RHBDF2: variants seen among roughly 807,000 people sequenced by gnomAD.
RHBDF2 encodes inactive rhomboid protein 2.
In RHBDF2, 38 loss-of-function variants were observed where a neutral mutation model predicts 95.2. The ratio of observed to expected loss-of-function variants is 0.40; its 90% CI spans 0.31 to 0.52. RHBDF2 has a LOEUF of 0.52. Ranked by LOEUF, RHBDF2 falls within the 20% of genes least tolerant of loss-of-function variation. The pLI is 0.56. For missense variants in RHBDF2, 863 were observed against 1,137.7 expected (o/e 0.76, Z 3.47); for synonymous variants, 442 against 462.0 (o/e 0.96, Z 0.55).
intron 2 of RHBDF2, among the ~76,000 whole-genome samples, chr17:76,486,587 GCATATAGTCC>G (rs919866458): frequency 2.6e-5 from 4 of 152,022 alleles, no homozygotes; most frequent in Non-Finnish European, 4.4e-5. Context: ...GGTGGTGCGT[GCATATAGTCC>G]CAGCTACTCA....
chr17:76,486,414 A>G (rs953210068), intron 2 of RHBDF2, among the ~76,000 whole-genome samples: 5 of 152,146 alleles, frequency 3.3e-5, no homozygotes, highest in African/African-American at 1.2e-4. Flanking sequence ...CTCTGTGAAT[A>G]TATCAAAATC....
At chr17:76,494,018 G>A (rs1406320896) in intron 1 of RHBDF2, among the ~76,000 whole-genome samples, 1 of 152,228 alleles carries the variant, frequency 6.6e-6, no homozygotes, top group East Asian at 1.9e-4. Context: ...CCCGGTTAGA[G>A]TGGCTGGGGC....
At chr17:76,491,992 GCTCTCT>G (rs906686305) in intron 1 of RHBDF2, among the ~76,000 whole-genome samples, 2 of 152,144 alleles carry the variant, frequency 1.3e-5, no homozygotes, top group Non-Finnish European at 2.9e-5. Flanking sequence ...CACATCCGCC[GCTCTCT>G]CTCTAAGACC....
chr17:76,472,711 G>A lies in RHBDF2; in HGVS notation c.2039C>T (p.Ala680Val), dbSNP rs182039648. The change falls in exon 18 of 19, where the codon GCC becomes GTC. Residue 680 changes from alanine (A) to valine (V), a missense_variant. By Grantham distance (64) the Ala-to-Val change is moderately conservative. This residue lies in a region of RHBDF2 where 252 missense variants were observed against 412.2 expected (regional missense o/e 0.61). Transcript: ENST00000675367. ...CTCTGCCCGGTATGGGAGAAAGATG[G>A]CACTGGCGAGGTTGCCTGTGATGCC... is the stretch of plus-strand genomic sequence containing the variant. ...LSGITGNLAS[A>V]IFLPYRAEVG... The A allele has an allele frequency of 2.5e-6, 4 of 1,614,098 alleles. No homozygotes were observed. The highest frequency in any genetic ancestry group is 3.4e-6 in the Non-Finnish European group (4 of 1,180,028).
At position 76,484,543 on chromosome 17, in the gene RHBDF2, C is replaced by T. The variant is rs1003987189; in HGVS notation, c.-21-2998G>A. ...CACCATCTCCTCACCTGGAGGCTCACTCCACTCTCTCAATTCCTCTACCTG... is the reference window on the plus strand; with the variant it reads ...CACCATCTCCTCACCTGGAGGCTCATTCCACTCTCTCAATTCCTCTACCTG... On this transcript the variant is annotated intron_variant, in intron 2 of 18. Coordinates refer to ENST00000675367, the MANE Select transcript of RHBDF2 (RefSeq NM_001005498.4). Among the ~76,000 whole-genome samples, 6 of 151,176 alleles carry T rather than the reference C, an allele frequency of 4.0e-5. No homozygotes were observed. In the Admixed American group the frequency reaches 4.0e-4, roughly 10 times the overall value.
At chr17:76,478,732 A>C in intron 6 of RHBDF2, 74 bp downstream of exon 6, 1 of 1,261,268 alleles carries the variant, frequency 7.9e-7, no homozygotes, top group Non-Finnish European at 1.1e-6. Context: ...GGATGCTACT[A>C]TGAGGAGTGG....
At chr17:76,479,056 CT>C in intron 5 of RHBDF2, 25 bp downstream of exon 5, 4 of 1,613,126 alleles carry the variant, frequency 2.5e-6, no homozygotes, top group Non-Finnish European at 3.4e-6. Context: ...GTCCCCACCC[CT>C]GCCTCCTTTC....
At chr17:76,484,966 G>A (rs1231058759) in intron 2 of RHBDF2, among the ~76,000 whole-genome samples, 1 of 152,202 alleles carries the variant, frequency 6.6e-6, no homozygotes, top group East Asian at 1.9e-4. Context: ...GAAGCGTCTG[G>A]AGGAGCAAAT....
chr17:76,479,549 G>A (rs1016881320), intron 4 of RHBDF2, 184 bp downstream of exon 4: 6 of 737,068 alleles, frequency 8.1e-6, no homozygotes, highest in South Asian at 3.0e-5. Context: ...GTGATATTCC[G>A]CAAAGCACAT....
rs539095836 is a variant in RHBDF2, at chr17:76,497,186, C to T, written c.-220+4167G>A. On this transcript the variant is annotated intron_variant, in intron 1 of 18. Transcript: ENST00000675367. Reference sequence around the variant, plus strand: ...GCACCACCTGCTGGCACAGGGTTGGCGGCCACACGGGGGAGGCAGAGGAGA... The same window carrying T: ...GCACCACCTGCTGGCACAGGGTTGGTGGCCACACGGGGGAGGCAGAGGAGA... Among the ~76,000 whole-genome samples the T allele has an allele frequency of 4.1e-4, 62 of 152,272 alleles. No individual in the cohort carries two copies. In the East Asian group the frequency reaches 9.8e-3, roughly 24 times the overall value.
intron 1 of RHBDF2, among the ~76,000 whole-genome samples, chr17:76,493,491 G>C (rs2074357374): frequency 6.6e-6 from 1 of 150,444 alleles, no homozygotes; most frequent in East Asian, 1.9e-4. Flanking sequence ...TGGCAAGAAG[G>C]CTGGCTGGGG....
At chr17:76,481,202 T>C (rs2073952215) in intron 3 of RHBDF2, among the ~76,000 whole-genome samples, 173 bp downstream of exon 3, 1 of 152,170 alleles carries the variant, frequency 6.6e-6, no homozygotes, top group South Asian at 2.1e-4. Context: ...CTTTACTCCC[T>C]GTGATATTTC....
At chr17:76,494,144 T>C (rs1396158165) in intron 1 of RHBDF2, among the ~76,000 whole-genome samples, 1 of 152,052 alleles carries the variant, frequency 6.6e-6, no homozygotes, top group East Asian at 1.9e-4. Flanking sequence ...GGGGGTGACA[T>C]GTCATGTTCT....
intron 6 of RHBDF2, among the ~76,000 whole-genome samples, chr17:76,478,480 G>GC (rs1363250755): frequency 6.6e-6 from 1 of 152,230 alleles, no homozygotes; most frequent in Non-Finnish European, 1.5e-5. Context: ...GCGGTGCCCA[G>GC]CACGTAACAG....
intron 15 of RHBDF2, 138 bp from the exon 16 acceptor site, chr17:76,473,465 G>A: frequency 3.1e-6 from 3 of 982,712 alleles, no homozygotes; most frequent in Non-Finnish European, 4.7e-6. Flanking sequence ...TTCGACTCTG[G>A]AGCAAGCTTC....
intron 1 of RHBDF2, among the ~76,000 whole-genome samples, chr17:76,492,872 GC>G (rs1215519042): frequency 2.0e-5 from 3 of 152,196 alleles, no homozygotes; most frequent in Non-Finnish European, 4.4e-5. Context: ...GACGGGACAG[GC>G]CCTTGGATAA....
In RHBDF2 at chr17:76,475,144, G is replaced by A; in HGVS notation, c.1116-3C>T. On this transcript the variant is annotated splice_polypyrimidine_tract_variant and splice_region_variant and intron_variant, in intron 9 of 18. Coordinates refer to ENST00000675367, the MANE Select transcript of RHBDF2 (RefSeq NM_001005498.4). ...TCAGCCAGTAGGTGAAGTAGGGCCT[G>A]TGCAGAGACACCTCGGGTCAGCTGA... is the stretch of plus-strand genomic sequence containing the variant. 6.3e-7 allele frequency: 1 copy of A among 1,581,624 alleles called. No homozygotes were observed. Among genetic ancestry groups the A allele is most frequent in the South Asian group, 1.2e-5 (1 of 86,500 alleles).
In RHBDF2 at chr17:76,478,875, G is replaced by T; in HGVS notation, c.603C>A (p.Ser201=). 6.2e-7 allele frequency: 1 copy of T among 1,613,436 alleles called. No individual in the cohort carries two copies. The highest frequency in any genetic ancestry group is 1.3e-5 in the African/African-American group (1 of 75,060). The change falls in exon 6 of 19, where the codon TCC becomes TCA. Residue 201 remains serine (S), a synonymous_variant. Transcript: ENST00000675367. ...TSFTSVRSGY[S]HLPRRKRMSV... ...ACATTCTCTTGCGGCGTGGCAGGTGGGAGTAGCCAGAACGGACACTGGTGA... is the reference window on the plus strand; with the variant it reads ...ACATTCTCTTGCGGCGTGGCAGGTGTGAGTAGCCAGAACGGACACTGGTGA...
At chr17:76,482,910 G>C (rs7223138) in intron 2 of RHBDF2, among the ~76,000 whole-genome samples, 90,453 of 151,062 alleles carry the variant, frequency 0.6, 27,465 homozygotes, top group Middle Eastern at 0.75. Context: ...TGGCTTACAC[G>C]TACAATCCCA....
Sources: allele counts gnomAD v4.1 joint callset (sites outside exome capture counted in the v4.1 genomes callset), GRCh38; gene constraint gnomAD v4.1.1; regional missense constraint gnomAD v4.1.1; transcripts MANE v1.5; gene names NCBI Gene and HGNC (gene_info 2026-07-23, HGNC 2026-07-21).